THYN1: variants seen among roughly 807,000 people sequenced by gnomAD.
THYN1 encodes thymocyte protein thy28.
THYN1 carries 32 observed loss-of-function variants against 30.6 expected under a neutral mutation model. That is an observed-to-expected ratio of 1.05 (90% CI 0.79 to 1.40). THYN1 has a LOEUF of 1.40. Ranked by LOEUF, THYN1 falls within the 40% of genes most tolerant of loss-of-function variation. The probability of loss-of-function intolerance (pLI) is 0.00; values close to 1 mark genes in which losing one functional copy is unlikely to be tolerated. For missense variants in THYN1, 259 were observed against 272.6 expected (o/e 0.95, Z 0.35); for synonymous variants, 107 against 90.8 (o/e 1.18, Z -1.01).
rs950937465 is a variant in THYN1 at position 134,253,168 on chromosome 11, T to G, written c.-286A>C. 1.6e-5 allele frequency: 21 copies of G among 1,344,638 alleles called. No individual in the cohort carries two copies. In the East Asian group the frequency reaches 6.4e-4, roughly 41 times the overall value. 83.3% of individuals were successfully genotyped at this position (1,344,638 alleles called of 1,614,324 possible). On this transcript the variant is annotated 5_prime_UTR_variant, in exon 1 of 7. Transcript: ENST00000341541. ...ACCCCTATCTCAGTATGTAGTTCAC[T>G]GGGAAGTGGCTCCACAGAGACACTT...
chr11:134,251,167 T>G lies in THYN1; in HGVS notation c.185A>C (p.Glu62Ala). 1 of 1,614,144 alleles carries G rather than the reference T, an allele frequency of 6.2e-7. No individual in the cohort carries two copies. Among genetic ancestry groups the G allele is most frequent in the Non-Finnish European group, 8.5e-7 (1 of 1,180,030 alleles). ...ACCTTTCTCTAGGCGGCTCTCTGGC[T>G]CTGACTTCATCAGCCAGTGGCTGCT... ...NLSSHWLMKS[E>A]PESRLEKGVD... Residue 62 changes from glutamate to alanine, a missense_variant, in exon 2 of 7, where the codon GAG becomes GCG. By Grantham distance (107) the Glu-to-Ala change is moderately radical. Transcript: ENST00000341541.
At chr11:134,249,797 A>G (rs1337209662) in intron 4 of THYN1, 31 bp downstream of exon 4, 1 of 1,602,520 alleles carries the variant, frequency 6.2e-7, no homozygotes, top group Non-Finnish European at 8.5e-7. Flanking sequence ...CTGGAGGAAA[A>G]GGGATTCACA....
At chr11:134,252,109 A>G (rs1413435411) in intron 1 of THYN1, among the ~76,000 whole-genome samples, 1 of 152,190 alleles carries the variant, frequency 6.6e-6, no homozygotes, top group East Asian at 1.9e-4. Context: ...ATCTGAAGCT[A>G]CTTAATGACT....
At chr11:134,250,713 G>C (rs1304706194) in intron 2 of THYN1, among the ~76,000 whole-genome samples, 1 of 152,182 alleles carries the variant, frequency 6.6e-6, no homozygotes. Flanking sequence ...GAGCATGGCA[G>C]GTGTTCAGAG....
chr11:134,252,819 T>G (rs1939171430), intron 1 of THYN1, 21 bp downstream of exon 1: 1 of 1,613,750 alleles, frequency 6.2e-7, no homozygotes, highest in African/African-American at 1.3e-5. Flanking sequence ...GCTGCCTTTG[T>G]GCAGCCTAGG....
At chr11:134,250,654 T>C (rs1295499684) in intron 2 of THYN1, among the ~76,000 whole-genome samples, 3 of 152,350 alleles carry the variant, frequency 2.0e-5, no homozygotes, top group Admixed American at 2.0e-4. Flanking sequence ...TCCCAGGCTA[T>C]ATTAAATTCC....
At chr11:134,251,381 T>A in intron 1 of THYN1, 73 bp from the exon 2 acceptor site, 1 of 1,505,936 alleles carries the variant, frequency 6.6e-7, no homozygotes. Flanking sequence ...AAAGCTTAGC[T>A]TTGGAGTCAG....
At chr11:134,251,105 A>AC (rs1224089483) in intron 2 of THYN1, 25 bp downstream of exon 2, 2 of 1,588,538 alleles carry the variant, frequency 1.3e-6, no homozygotes. Context: ...CCATGAAGGG[A>AC]CTGGAGACAG....
Position 134,252,823 on chromosome 11 carries a change from G to T in THYN1, c.43+17C>A. The T allele has an allele frequency of 6.2e-7, 1 of 1,613,702 alleles. No individual in the cohort carries two copies. The highest frequency in any genetic ancestry group is 1.1e-5 in the South Asian group (1 of 91,054). On this transcript the variant is annotated intron_variant, in intron 1 of 6. Coordinates refer to ENST00000341541, the MANE Select transcript of THYN1 (RefSeq NM_014174.3). ...TTTTTTCTTGGGCTGCCTTTGTGCA[G>T]CCTAGGGGCAGCTCACCTGAACCAG...
Position 134,248,343 on chromosome 11 carries a change from T to A in THYN1, c.*95A>T. ...AACCACTGAGGTACACAAGCCCAGG[T>A]AAGCATACCAAGCAAGCCCCCTCAC... On this transcript the variant is annotated 3_prime_UTR_variant, in exon 7 of 7. Transcript: ENST00000341541. 7.2e-7 allele frequency: 1 copy of A among 1,385,792 alleles called. No homozygotes were observed. The highest frequency in any genetic ancestry group is 1.0e-6 in the Non-Finnish European group (1 of 971,778). 85.8% of individuals were successfully genotyped at this position (1,385,792 alleles called of 1,614,324 possible). A position where few individuals can be genotyped will look rare whatever the true frequency, so the allele number is the denominator to read the frequency against.
rs966246031 is a variant in THYN1, at chr11:134,253,082, A to G, written c.-200T>C. On this transcript the variant is annotated 5_prime_UTR_variant, in exon 1 of 7. An upstream start codon of the reference 5' UTR is lost. Coordinates refer to ENST00000341541, the MANE Select transcript of THYN1 (RefSeq NM_014174.3). ...TCCCTCCGTTATCTGCGCCATTTCC[A>G]TCTCGCATAACCTGCCCCTAAACTC... The G allele has an allele frequency of 6.4e-5, 88 of 1,377,082 alleles. No homozygotes were observed. The highest frequency in any genetic ancestry group is 7.7e-5 in the Non-Finnish European group (82 of 1,071,084). 85.3% of individuals were successfully genotyped at this position (1,377,082 alleles called of 1,614,324 possible).
chr11:134,250,405 G>C (rs1359407085), intron 2 of THYN1, 62 bp from the exon 3 acceptor site: 1 of 1,581,860 alleles, frequency 6.3e-7, no homozygotes, highest in East Asian at 2.2e-5. Flanking sequence ...AAGCACATAT[G>C]GAAGCAGACA....
In THYN1 at chr11:134,252,935, C is replaced by T. The variant is rs527633023; in HGVS notation, c.-53G>A. On this transcript the variant is annotated 5_prime_UTR_variant, in exon 1 of 7. Coordinates refer to ENST00000341541, the MANE Select transcript of THYN1 (RefSeq NM_014174.3). The stretch of plus-strand genomic sequence containing the variant: ...GACGATTCTGGAATCAACGGAGATA[C>T]AAGAAAGAATGCTAATGTCCTCCAA... 53 of 1,530,378 alleles carry T rather than the reference C, an allele frequency of 3.5e-5. No homozygotes were observed. In the East Asian group the frequency reaches 9.9e-4, roughly 28 times the overall value. The allele number at this position is 1,530,378 out of a possible 1,614,324, so 94.8% of individuals were successfully genotyped here. A position where few individuals can be genotyped will look rare whatever the true frequency, so the allele number is the denominator to read the frequency against.
In THYN1 at chr11:134,248,470, C is replaced by G; in HGVS notation, c.646G>C (p.Val216Leu). 1 of 1,612,452 alleles carries G rather than the reference C, an allele frequency of 6.2e-7. No homozygotes were observed. Residue 216 changes from valine (V) to leucine (L), a missense_variant, in exon 7 of 7, where the codon GTT becomes CTT. Physicochemically the swap from Val to Leu is conservative, Grantham distance 32. Transcript: ENST00000341541. ...QPLTQEEFDF[V>L]LSLEEKEPS ...GGTTCCTTTTCCTCCAGGCTCAAAA[C>G]AAAATCAAACTCTTCTACAAAAAAA...
intron 6 of THYN1, 62 bp from the exon 7 acceptor site, chr11:134,248,546 G>A: frequency 6.3e-7 from 1 of 1,592,834 alleles, no homozygotes; most frequent in Non-Finnish European, 8.6e-7. Flanking sequence ...GAACAGGAAA[G>A]TTGTGCCAGG....
At chr11:134,248,614 C>G in intron 6 of THYN1, 130 bp from the exon 7 acceptor site, 1 of 1,377,020 alleles carries the variant, frequency 7.3e-7, no homozygotes, top group South Asian at 1.2e-5. Context: ...AACTATTTAC[C>G]AGGTGCCAAG....
At chr11:134,250,653 A>G (rs999270978) in intron 2 of THYN1, among the ~76,000 whole-genome samples, 1 of 152,184 alleles carries the variant, frequency 6.6e-6, no homozygotes, top group African/African-American at 2.4e-5. Context: ...TTCCCAGGCT[A>G]TATTAAATTC....
intron 5 of THYN1, 64 bp downstream of exon 5, chr11:134,249,103 C>T (rs750496006): frequency 4.5e-6 from 7 of 1,568,004 alleles, no homozygotes; most frequent in Admixed American, 1.7e-5. Flanking sequence ...CTACAGTCAC[C>T]CCAACCGTCT....
At chr11:134,250,491 G>C in intron 2 of THYN1, 148 bp from the exon 3 acceptor site, 2 of 800,162 alleles carry the variant, frequency 2.5e-6, no homozygotes, top group Non-Finnish European at 2.0e-6. Flanking sequence ...GCTCCACAGA[G>C]ACACTTTTGC....
Sources: allele counts gnomAD v4.1 joint callset (sites outside exome capture counted in the v4.1 genomes callset), GRCh38; gene constraint gnomAD v4.1.1; transcripts MANE v1.5; gene names NCBI Gene and HGNC (gene_info 2026-07-23, HGNC 2026-07-21).